The following BBC3 variants were observed in gnomAD, a reference collection of about 807,000 sequenced individuals.
The protein encoded by BBC3 is BCL2 binding component 3.
A neutral mutation model predicts 18.2 loss-of-function variants in BBC3; 5 were observed. That is an observed-to-expected ratio of 0.27 (90% CI 0.14 to 0.58). BBC3 has a LOEUF of 0.58. Among genes scored for constraint, BBC3 ranks in the 20% least tolerant of loss-of-function variants. BBC3 has a pLI of 0.91. For synonymous variants in BBC3, 119 were observed against 128.0 expected (o/e 0.93, Z 0.47); for missense variants, 224 against 268.9 (o/e 0.83, Z 1.17).
intron 3 of BBC3, among the ~76,000 whole-genome samples, chr19:47,222,822 G>A (rs898536359): frequency 4.0e-5 from 6 of 151,840 alleles, no homozygotes; most frequent in East Asian, 3.9e-4. Context: ...AAAATTAGCC[G>A]GACTTGGTGG....
chr19:47,224,395 G>A (rs1330788562), intron 3 of BBC3, among the ~76,000 whole-genome samples: 5 of 152,122 alleles, frequency 3.3e-5, no homozygotes, highest in African/African-American at 9.7e-5. Flanking sequence ...GGCCAAGGCA[G>A]GAGGATCACT....
chr19:47,221,366 A>AG lies in BBC3; in HGVS notation c.*435dup, dbSNP rs373224142. 5 of 212,250 alleles carry AG rather than the reference A, an allele frequency of 2.4e-5. No homozygotes were observed. The South Asian group carries it at 2.6e-4, about 11-fold the overall frequency. 13.1% of individuals were successfully genotyped at this position (212,250 alleles called of 1,614,324 possible). ...TCTTCACGGGCCCCCTCCCAGGAGG[A>AG]GGGGGGGAAGCACCAGGGGCCTGAG... On this transcript the variant is annotated 3_prime_UTR_variant, in exon 4 of 4. Coordinates refer to ENST00000439096, the MANE Select transcript of BBC3 (RefSeq NM_014417.5).
In BBC3 at chr19:47,223,576, AT is replaced by A. The variant is rs974244845; in HGVS notation, c.466-1659del. Reference sequence around the variant, plus strand: ...AGCAAGACTCCGTGTCAAAAAAAAAATTTTTTTTAAGTGTACAGAGAGCTGC... The same window carrying A: ...AGCAAGACTCCGTGTCAAAAAAAAAATTTTTTTAAGTGTACAGAGAGCTGC... On this transcript the variant is annotated intron_variant, in intron 3 of 3. Coordinates refer to ENST00000439096, the MANE Select transcript of BBC3 (RefSeq NM_014417.5). Among the ~76,000 whole-genome samples the A allele has an allele frequency of 3.9e-5, 6 of 152,124 alleles. No homozygotes were observed. The East Asian group carries it at 1.2e-3, about 29-fold the overall frequency.
Position 47,226,708 on chromosome 19 carries a change from G to C in BBC3, c.321C>G (p.Pro107=), listed in dbSNP as rs1185808885. ...LSLAEQHLES[P]VPSAPGALAG... ...CCAGAGCCCCCGGGGCGCTGGGCACGGGCGACTCCAGGTGCTGCTCCGCCA... is the reference window on the plus strand; with the variant it reads ...CCAGAGCCCCCGGGGCGCTGGGCACCGGCGACTCCAGGTGCTGCTCCGCCA... The change falls in exon 3 of 4, where the codon CCC becomes CCG. Residue 107 remains proline, a synonymous_variant. Transcript: ENST00000439096. The C allele has an allele frequency of 1.4e-6, 2 of 1,455,308 alleles. No homozygotes were observed. The highest frequency in any genetic ancestry group is 1.8e-6 in the Non-Finnish European group (2 of 1,107,772). The allele number at this position is 1,455,308 out of a possible 1,614,324, so 90.1% of individuals were successfully genotyped here.
At chr19:47,224,789 G>A (rs748616134) in intron 3 of BBC3, among the ~76,000 whole-genome samples, 5 of 148,144 alleles carry the variant, frequency 3.4e-5, no homozygotes, top group Non-Finnish European at 5.9e-5. Context: ...GGAGTGCAGT[G>A]GCATGATCTC....
Position 47,226,665 on chromosome 19 carries a change from C to T in BBC3, c.364G>A (p.Ala122Thr). Reference protein sequence around the residue: ...PGALAGGPTQAAPGVRGEEEQ... With the variant: ...PGALAGGPTQTAPGVRGEEEQ... ...TCCTCCCCGCGGACTCCCGGGGCCG[C>T]CTGGGTGGGACCGCCCGCCAGAGCC... The change falls in exon 3 of 4, where the codon GCG becomes ACG. Residue 122 changes from alanine (A) to threonine (T), a missense_variant. Coordinates refer to ENST00000439096, the MANE Select transcript of BBC3 (RefSeq NM_014417.5). The T allele has an allele frequency of 6.6e-7, 1 of 1,524,328 alleles. No individual in the cohort carries two copies. The highest frequency in any genetic ancestry group is 8.8e-7 in the Non-Finnish European group (1 of 1,136,792). 94.4% of individuals were successfully genotyped at this position (1,524,328 alleles called of 1,614,324 possible). A position where few individuals can be genotyped will look rare whatever the true frequency, so the allele number is the denominator to read the frequency against.
rs552853131 is a variant in BBC3, at chr19:47,229,011, A to T, written c.-15-565T>A. On this transcript the variant is annotated intron_variant, in intron 1 of 3. Transcript: ENST00000439096. Reference sequence around the variant, plus strand: ...TACACACAATACACACACACCCCCGACCAAAGCAGGAGCATCCAGACAGAC... The same window carrying T: ...TACACACAATACACACACACCCCCGTCCAAAGCAGGAGCATCCAGACAGAC... Among the ~76,000 whole-genome samples, 8 of 151,406 alleles carry T rather than the reference A, an allele frequency of 5.3e-5. No individual in the cohort carries two copies. The South Asian group carries it at 6.2e-4, about 12-fold the overall frequency.
upstream of BBC3, chr19:47,232,788 G>A (rs932160507): frequency 6.1e-6 from 3 of 493,436 alleles, no homozygotes; most frequent in African/African-American, 3.9e-5. Context: ...TCACCTTCCA[G>A]TGCCTAGTGT....
chr19:47,231,976 C>T (rs1334776824), upstream of BBC3, among the ~76,000 whole-genome samples: 1 of 152,214 alleles, frequency 6.6e-6, no homozygotes, highest in East Asian at 1.9e-4. The surrounding 1 kb of genome is among the most constrained non-coding windows in gnomAD (Gnocchi z 4.0). Flanking sequence ...CCTGGATACA[C>T]GGCCAAATCC....
intron 3 of BBC3, among the ~76,000 whole-genome samples, chr19:47,225,903 G>A (rs1033871603): frequency 2.0e-5 from 3 of 152,202 alleles, no homozygotes; most frequent in African/African-American, 7.2e-5. Context: ...GGGAGAGTAA[G>A]GAGCTTCACC....
Position 47,230,165 on chromosome 19 carries a change from C to T in BBC3, c.-16+764G>A, listed in dbSNP as rs548490790. ...AACACACGCAGGTCCACCCACCCCACAAGCAGGGCACCCACAGACAGAACC... is the reference window on the plus strand; with the variant it reads ...AACACACGCAGGTCCACCCACCCCATAAGCAGGGCACCCACAGACAGAACC... On this transcript the variant is annotated intron_variant, in intron 1 of 3. Coordinates refer to ENST00000439096, the MANE Select transcript of BBC3 (RefSeq NM_014417.5). This position sits in a 1 kb window ranked among gnomAD's most constrained non-coding sequence, Gnocchi z 6.7. Among the ~76,000 whole-genome samples, 2 of 152,118 alleles carry T rather than the reference C, an allele frequency of 1.3e-5. No individual in the cohort carries two copies. The highest frequency in any genetic ancestry group is 3.9e-4 in the East Asian group (2 of 5,164).
chr19:47,232,643 T>G, upstream of BBC3: 1 of 1,502,828 alleles, frequency 6.7e-7, no homozygotes, highest in South Asian at 1.2e-5. Flanking sequence ...TTTCAGTTTC[T>G]CATTGTTACT....
chr19:47,232,741 G>T, upstream of BBC3: 2 of 724,364 alleles, frequency 2.8e-6, no homozygotes, highest in Non-Finnish European at 4.5e-6. Flanking sequence ...CATCCTTACT[G>T]GGTCTCACCC....
chr19:47,230,614 G>A lies in BBC3; in HGVS notation c.-16+315C>T, dbSNP rs1434251928. ...GCCCCTCCCGGACTTTGGGGGCTGG[G>A]GCACCCCTGGGGTCGACCCTCTTCC... On this transcript the variant is annotated intron_variant, in intron 1 of 3. Coordinates refer to ENST00000439096, the MANE Select transcript of BBC3 (RefSeq NM_014417.5). The surrounding 1 kb of genome is among the most constrained non-coding windows in gnomAD (Gnocchi z 6.7). Among the ~76,000 whole-genome samples, 1 of 151,764 alleles carries A rather than the reference G, an allele frequency of 6.6e-6. No individual in the cohort carries two copies.
At position 47,225,816 on chromosome 19, in the gene BBC3, G is replaced by A. The variant is rs78580840; in HGVS notation, c.465+748C>T. 1.9e-3 allele frequency among the ~76,000 whole-genome samples: 292 copies of A among 152,266 alleles called. 1 individual carries two copies. Among genetic ancestry groups the A allele is most frequent in the African/African-American group, 6.5e-3 (271 of 41,576 alleles). ...CTGGTTCTGGCCTGGTAAATACGGA[G>A]TAAAAGCAACACCTGCAGGGGTTGA... On this transcript the variant is annotated intron_variant, in intron 3 of 3. Coordinates refer to ENST00000439096, the MANE Select transcript of BBC3 (RefSeq NM_014417.5).
chr19:47,225,854 C>A (rs534877657), intron 3 of BBC3, among the ~76,000 whole-genome samples: 1 of 152,212 alleles, frequency 6.6e-6, no homozygotes, highest in South Asian at 2.1e-4. Context: ...GAGGCCAACT[C>A]GAGAGATTTC....
chr19:47,221,992 A>G (rs1240861827), intron 3 of BBC3, 74 bp from the exon 4 acceptor site: 3 of 1,333,882 alleles, frequency 2.2e-6, no homozygotes, highest in Non-Finnish European at 3.1e-6. Context: ...GGTCAGCTCC[A>G]GGGGCAGCGA....
At position 47,228,582 on chromosome 19, in the gene BBC3, G is replaced by A; in HGVS notation, c.-15-136C>T. ...ATGCGGAGGGGGTGACGGCCCCACAGAGACACGCCCAGCCGGGGGATGACA... is the reference window on the plus strand; with the variant it reads ...ATGCGGAGGGGGTGACGGCCCCACAAAGACACGCCCAGCCGGGGGATGACA... On this transcript the variant is annotated intron_variant, in intron 1 of 3. Transcript: ENST00000439096. The surrounding 1 kb of genome is among the most constrained non-coding windows in gnomAD (Gnocchi z 5.5). 1 of 902,610 alleles carries A rather than the reference G, an allele frequency of 1.1e-6. No homozygotes were observed. The highest frequency in any genetic ancestry group is 1.4e-6 in the Non-Finnish European group (1 of 689,780). The allele number at this position is 902,610 out of a possible 1,614,324, so 55.9% of individuals were successfully genotyped here.
chr19:47,231,191 C>G lies in BBC3; in HGVS notation c.-278G>C. 1.0e-6 allele frequency: 1 copy of G among 983,392 alleles called. No individual in the cohort carries two copies. The highest frequency in any genetic ancestry group is 1.2e-6 in the Non-Finnish European group (1 of 828,990). The allele number at this position is 983,392 out of a possible 1,614,324, so 60.9% of individuals were successfully genotyped here. ...GGCGCCCGCTCGCATGTGGCTCGCG[C>G]CGCGTCTCAGGCCGCCCGGCGGATC... On this transcript the variant is annotated 5_prime_UTR_variant, in exon 1 of 4. Coordinates refer to ENST00000439096, the MANE Select transcript of BBC3 (RefSeq NM_014417.5). This position sits in a 1 kb window ranked among gnomAD's most constrained non-coding sequence, Gnocchi z 4.0.
Sources: gnomAD v4.1 joint callset for allele counts (sites outside exome capture counted in the v4.1 genomes callset) on GRCh38, gnomAD v4.1.1 for gene constraint, Gnocchi (gnomAD v3.1) non-coding constraint, MANE v1.5 for transcripts, NCBI Gene and HGNC (gene_info 2026-07-23, HGNC 2026-07-21) for gene names.